Variants in RFX4 observed in about 807,000 individuals in gnomAD.
RFX4 encodes the protein transcription factor RFX4.
RFX4 carries 10 observed loss-of-function variants against 95.0 expected under a neutral mutation model. That is an observed-to-expected ratio of 0.11 (90% CI 0.06 to 0.18). The LOEUF is 0.18. Ranked by LOEUF, RFX4 falls within the 10% of genes least tolerant of loss-of-function variation. The pLI, the probability that RFX4 is intolerant of heterozygous loss-of-function variation, is 1.00. For missense variants in RFX4, 640 were observed against 922.0 expected, an observed-to-expected ratio of 0.69 and a Z score of 3.96; for synonymous variants, 321 against 340.7, an observed-to-expected ratio of 0.94 and a Z score of 0.64.
chr12:106,697,285 T>C (rs1477691330), intron 8 of RFX4, among the ~76,000 whole-genome samples: 1 of 152,194 alleles, frequency 6.6e-6, no homozygotes, highest in Non-Finnish European at 1.5e-5. Context: ...CTGTTGGGAC[T>C]GTTACAAAGC....
At chr12:106,639,211 GTTTCAAAGCATCAACA>G (rs2040569930) in intron 2 of RFX4, 105 bp from the exon 3 acceptor site, 1 of 777,240 alleles carries the variant, frequency 1.3e-6, no homozygotes, top group Admixed American at 2.9e-5. Context: ...CCAAAATATT[GTTTCAAAGCATCAACA>G]TTTCAAAGAA....
Position 106,597,237 on chromosome 12 carries a change from A to C in RFX4, c.44-11560A>C, listed in dbSNP as rs576431423. On this transcript the variant is annotated intron_variant, in intron 1 of 17. Transcript: ENST00000392842. ...TTCTTCTAATCCTCATAATAACCTC[A>C]TGGGGTAGTTTTTTTTTTTAATAGG... Among the ~76,000 whole-genome samples, 31 of 151,916 alleles carry C rather than the reference A, an allele frequency of 2.0e-4. 1 individual carries two copies. In the East Asian group the frequency reaches 4.3e-3, roughly 21 times the overall value.
chr12:106,616,460 G>A (rs1278778803), intron 2 of RFX4, among the ~76,000 whole-genome samples: 2 of 152,062 alleles, frequency 1.3e-5, no homozygotes, highest in East Asian at 3.9e-4. Context: ...AGGTTTTGGT[G>A]TCAAGATTAC....
chr12:106,660,114 G>A (rs2041042557), intron 4 of RFX4, among the ~76,000 whole-genome samples: 2 of 152,006 alleles, frequency 1.3e-5, no homozygotes, highest in Admixed American at 6.6e-5. Flanking sequence ...CCATTTATCT[G>A]ATATTCATTT....
intron 5 of RFX4, chr12:106,684,573 C>G (rs2041600829): frequency 3.0e-6 from 2 of 674,230 alleles, no homozygotes; most frequent in Non-Finnish European, 4.6e-6. Flanking sequence ...GTGGTCTGGT[C>G]TGAACATATT....
rs1480176090 is a variant in RFX4, at chr12:106,720,728, A to C, written c.1234-31A>C. 6.3e-7 allele frequency: 1 copy of C among 1,592,776 alleles called. No individual in the cohort carries two copies. The highest frequency in any genetic ancestry group is 1.7e-5 in the Admixed American group (1 of 60,000). On this transcript the variant is annotated intron_variant, in intron 12 of 17. Transcript: ENST00000392842. The surrounding 1 kb of genome is among the most constrained non-coding windows in gnomAD (Gnocchi z 4.2). ...CAGTAATAAATGAAAGGTCAAGTCG[A>C]CCACTATTAAAGCCATTTACTTTCT... is the stretch of plus-strand genomic sequence containing the variant.
intron 13 of RFX4, among the ~76,000 whole-genome samples, chr12:106,725,334 A>G (rs1246422833): frequency 6.6e-6 from 1 of 152,236 alleles, no homozygotes; most frequent in Non-Finnish European, 1.5e-5. Flanking sequence ...AATGGACGGC[A>G]CATCAAAGAA....
At chr12:106,613,318 T>C (rs916648889) in intron 2 of RFX4, among the ~76,000 whole-genome samples, 4 of 151,300 alleles carry the variant, frequency 2.6e-5, no homozygotes, top group Non-Finnish European at 4.4e-5. Flanking sequence ...CCTTTTACTA[T>C]GCTGCTGAAT....
chr12:106,587,630 C>T (rs2039479816), intron 1 of RFX4, among the ~76,000 whole-genome samples: 1 of 152,234 alleles, frequency 6.6e-6, no homozygotes, highest in African/African-American at 2.4e-5. Flanking sequence ...CTCTTCCAGC[C>T]TCCCCCCTCA....
At chr12:106,708,796 G>A (rs1008102305) in intron 8 of RFX4, among the ~76,000 whole-genome samples, 2 of 152,172 alleles carry the variant, frequency 1.3e-5, no homozygotes, top group Non-Finnish European at 2.9e-5. Flanking sequence ...CCTGCCTCCT[G>A]TTCTAATATG....
Position 106,586,090 on chromosome 12 carries a change from C to G in RFX4, c.43+2727C>G, listed in dbSNP as rs950371464. On this transcript the variant is annotated intron_variant, in intron 1 of 17. Transcript: ENST00000392842. This position sits in a 1 kb window ranked among gnomAD's most constrained non-coding sequence, Gnocchi z 5.6. ...GCGCCTCCTGGGCCCTAGGCGCTCT[C>G]GCTGCCGAGCCCGACAAAGCAAAGC... The G allele has an allele frequency of 2.0e-5, 3 of 152,214 alleles. No individual in the cohort carries two copies. The highest frequency in any genetic ancestry group is 7.2e-5 in the African/African-American group (3 of 41,448). 9.4% of individuals were successfully genotyped at this position (152,214 alleles called of 1,614,324 possible). A position where few individuals can be genotyped will look rare whatever the true frequency, so the allele number is the denominator to read the frequency against.
chr12:106,697,475 A>G (rs961781798), intron 8 of RFX4, among the ~76,000 whole-genome samples: 1 of 148,938 alleles, frequency 6.7e-6, no homozygotes, highest in Non-Finnish European at 1.5e-5. Context: ...GGTGAAGTGC[A>G]TTAGTTTCCT....
At position 106,688,822 on chromosome 12, in the gene RFX4, T is replaced by C. The variant is rs150439603; in HGVS notation, c.592-465T>C. ...TTGCAGAGAATTTCCAAATGTCTTATGGTGACTTAGGCAGAATCACTTCTT... is the reference window on the plus strand; with the variant it reads ...TTGCAGAGAATTTCCAAATGTCTTACGGTGACTTAGGCAGAATCACTTCTT... On this transcript the variant is annotated intron_variant, in intron 6 of 17. Transcript: ENST00000392842. Among the ~76,000 whole-genome samples, 8 of 152,304 alleles carry C rather than the reference T, an allele frequency of 5.3e-5. No homozygotes were observed. In the East Asian group the frequency reaches 1.5e-3, roughly 29 times the overall value.
Position 106,639,353 on chromosome 12 carries a change from G to C in RFX4, c.152G>C (p.Arg51Thr). The C allele has an allele frequency of 6.2e-7, 1 of 1,613,502 alleles. No individual in the cohort carries two copies. The highest frequency in any genetic ancestry group is 8.5e-7 in the Non-Finnish European group (1 of 1,179,752). ...NDENEEKENN[R>T]ASKPHSTPAT... Reference sequence around the variant, plus strand: ...ACAGATGAGGAAAAAGAAAATAATAGAGCATCCAAGCCCCACTCCACTCCT... The same window carrying C: ...ACAGATGAGGAAAAAGAAAATAATACAGCATCCAAGCCCCACTCCACTCCT... Residue 51 changes from arginine to threonine, a missense_variant, in exon 3 of 18, where the codon AGA becomes ACA. This residue lies in a region of RFX4 where 63 missense variants were observed against 68.8 expected (regional missense o/e 0.92). Transcript: ENST00000392842.
At chr12:106,728,928 A>G (rs1219975933) in intron 13 of RFX4, among the ~76,000 whole-genome samples, 1 of 152,206 alleles carries the variant, frequency 6.6e-6, no homozygotes, top group Non-Finnish European at 1.5e-5. Flanking sequence ...AAAATTTAGA[A>G]TGGAAAATTA....
intron 2 of RFX4, among the ~76,000 whole-genome samples, chr12:106,630,335 G>A (rs189675858): frequency 6.6e-6 from 1 of 152,188 alleles, no homozygotes; most frequent in African/African-American, 2.4e-5. Flanking sequence ...AAGTTAGACA[G>A]CCTCTTTCTC....
At chr12:106,714,999 C>A (rs1436911486) in intron 10 of RFX4, 1 of 156,772 alleles carries the variant, frequency 6.4e-6, no homozygotes, top group Admixed American at 6.4e-5. Flanking sequence ...TAAATCCCAG[C>A]CTGCAGCTTC....
chr12:106,655,855 C>G (rs778570810), intron 4 of RFX4, among the ~76,000 whole-genome samples: 34 of 152,310 alleles, frequency 2.2e-4, no homozygotes, highest in Admixed American at 3.9e-4. Context: ...TTATTAAGCA[C>G]CTACCATGTG....
chr12:106,673,968 G>A (rs1485229061), intron 4 of RFX4, among the ~76,000 whole-genome samples: 3 of 152,096 alleles, frequency 2.0e-5, no homozygotes, highest in Admixed American at 1.3e-4. Flanking sequence ...GGTAAGTCAG[G>A]TTTTGTTCCC....
Sources: gnomAD v4.1 joint callset for allele counts (sites outside exome capture counted in the v4.1 genomes callset) on GRCh38, gnomAD v4.1.1 for gene constraint, gnomAD v4.1.1 regional missense constraint, Gnocchi (gnomAD v3.1) non-coding constraint, MANE v1.5 for transcripts, NCBI Gene and HGNC (gene_info 2026-07-23, HGNC 2026-07-21) for gene names.